NMT2: variants seen among roughly 807,000 people sequenced by gnomAD.
The protein encoded by NMT2 is N-myristoyltransferase 2.
In NMT2, 35 loss-of-function variants were observed where a neutral mutation model predicts 65.4. The observed-to-expected ratio is 0.54, with a 90% confidence interval of 0.41 to 0.71. NMT2 has a LOEUF of 0.71. Ranked by LOEUF, NMT2 falls within the 30% of genes least tolerant of loss-of-function variation. The probability of loss-of-function intolerance (pLI) is 0.00; values close to 1 mark genes in which losing one functional copy is unlikely to be tolerated. For missense variants in NMT2, 489 were observed against 611.3 expected (o/e 0.80, Z 2.11); for synonymous variants, 226 against 231.8 (o/e 0.98, Z 0.23).
chr10:15,127,562 A>ATAAAT (rs1564568353), intron 8 of NMT2, among the ~76,000 whole-genome samples: 1 of 90,220 alleles, frequency 1.1e-5, no homozygotes, highest in African/African-American at 1.2e-4. Flanking sequence ...AAAAAAAAAA[A>ATAAAT]AAAAAAAATA....
At chr10:15,155,083 C>T (rs1326964469) in intron 1 of NMT2, 1 of 1,388,462 alleles carries the variant, frequency 7.2e-7, no homozygotes, top group East Asian at 2.3e-5. Context: ...TCAAATTTCT[C>T]CCTGTAGACA....
Position 15,125,245 on chromosome 10 carries a change from G to A in NMT2, c.999+3105C>T, listed in dbSNP as rs1263971341. 2.0e-5 allele frequency among the ~76,000 whole-genome samples: 3 copies of A among 152,192 alleles called. No individual in the cohort carries two copies. The South Asian group carries it at 6.2e-4, about 32-fold the overall frequency. On this transcript the variant is annotated intron_variant, in intron 8 of 11. Coordinates refer to ENST00000378165, the MANE Select transcript of NMT2 (RefSeq NM_004808.3). ...ACTTCATAACCTTCAATTTATGGGT[G>A]GGGGAAAGGCAGTCACTATCACAGC...
At chr10:15,144,648 G>A (rs1334123496) in intron 1 of NMT2, among the ~76,000 whole-genome samples, 3 of 152,060 alleles carry the variant, frequency 2.0e-5, no homozygotes, top group Non-Finnish European at 4.4e-5. Context: ...GGAGAATGGC[G>A]TGAACCCGGG....
rs74417835 is a variant in NMT2 at position 15,119,697 on chromosome 10, T to G, written c.1000-184A>C. Among the ~76,000 whole-genome samples the G allele has an allele frequency of 7.5e-3, 1,148 of 152,312 alleles. 15 individuals carry two copies. The highest frequency in any genetic ancestry group is 0.026 in the African/African-American group (1,060 of 41,562). ...GAATCTGCAACTCAACAAGATTTCC[T>G]TGGGTTTGTACATACATTAAGGTTT... On this transcript the variant is annotated intron_variant, in intron 8 of 11. Coordinates refer to ENST00000378165, the MANE Select transcript of NMT2 (RefSeq NM_004808.3).
rs1263704805 is a variant in NMT2, at chr10:15,107,479, G to C, written c.*1716C>G. The C allele has an allele frequency of 2.0e-6, 2 of 979,490 alleles. No homozygotes were observed. Among genetic ancestry groups the C allele is most frequent in the African/African-American group, 3.5e-5 (2 of 57,142 alleles). The allele number at this position is 979,490 out of a possible 1,614,324, so 60.7% of individuals were successfully genotyped here. A position where few individuals can be genotyped will look rare whatever the true frequency, so the allele number is the denominator to read the frequency against. ...ATCTACTTTTGTTTTTTGAGACGGA[G>C]TCTTGCACTGTCACCCAGGCTGGAG... On this transcript the variant is annotated 3_prime_UTR_variant, in exon 12 of 12. Transcript: ENST00000378165.
intron 6 of NMT2, among the ~76,000 whole-genome samples, chr10:15,130,892 C>T (rs189914035): frequency 9.3e-4 from 137 of 147,018 alleles, no homozygotes; most frequent in Admixed American, 2.1e-3. Flanking sequence ...TGGGTTCAAA[C>T]GATTCTCCTG....
intron 8 of NMT2, 142 bp downstream of exon 8, chr10:15,128,208 C>T (rs940220474): frequency 3.1e-6 from 2 of 636,392 alleles, no homozygotes; most frequent in East Asian, 2.9e-5. Context: ...CCCTAGCTCC[C>T]GAGTTCCATG....
intron 1 of NMT2, among the ~76,000 whole-genome samples, chr10:15,145,372 T>A (rs1846926490): frequency 6.6e-6 from 1 of 151,966 alleles, no homozygotes; most frequent in Non-Finnish European, 1.5e-5. Context: ...ATGGTATACT[T>A]TATTTATTTT....
chr10:15,159,004 C>A (rs954668483), intron 1 of NMT2, among the ~76,000 whole-genome samples: 1 of 152,172 alleles, frequency 6.6e-6, no homozygotes, highest in African/African-American at 2.4e-5. Context: ...ACAATTCAGT[C>A]CCAGCAAGGT....
At chr10:15,152,003 G>A (rs1350866261) in intron 1 of NMT2, among the ~76,000 whole-genome samples, 1 of 152,236 alleles carries the variant, frequency 6.6e-6, no homozygotes, top group Non-Finnish European at 1.5e-5. Flanking sequence ...TCCAGCCTGG[G>A]TGACAGAGTA....
intron 1 of NMT2, 86 bp downstream of exon 1, chr10:15,168,417 G>C: frequency 1.0e-6 from 1 of 1,003,180 alleles, no homozygotes; most frequent in Non-Finnish European, 1.5e-6. Flanking sequence ...AGAACCCCCA[G>C]TCCTGGGAGC....
intron 2 of NMT2, chr10:15,141,119 A>G (rs1281627906): frequency 1.6e-6 from 2 of 1,218,774 alleles, no homozygotes; most frequent in Non-Finnish European, 2.4e-6. Context: ...TGTAATTTCA[A>G]AAAAACCTAA....
rs772913673 is a variant in NMT2, at chr10:15,157,418, G to A, written c.110+11085C>T. Among the ~76,000 whole-genome samples the A allele has an allele frequency of 3.3e-5, 5 of 152,258 alleles. No homozygotes were observed. The South Asian group carries it at 6.2e-4, about 19-fold the overall frequency. On this transcript the variant is annotated intron_variant, in intron 1 of 11. Transcript: ENST00000378165. Reference sequence around the variant, plus strand: ...AAGAGGGCTGAAGTGGGTACCTCCCGGCAGCGCTTTCACCCAGGAGATGAA... The same window carrying A: ...AAGAGGGCTGAAGTGGGTACCTCCCAGCAGCGCTTTCACCCAGGAGATGAA...
rs578026478 is a variant in NMT2, at chr10:15,151,128, G to A, written c.111-9571C>T. 2.9e-3 allele frequency among the ~76,000 whole-genome samples: 430 copies of A among 149,532 alleles called. 3 individuals carry two copies. Among genetic ancestry groups the A allele is most frequent in the African/African-American group, 9.8e-3 (394 of 40,202 alleles). On this transcript the variant is annotated intron_variant, in intron 1 of 11. Transcript: ENST00000378165. Reference sequence around the variant, plus strand: ...GGCTGGAGTGCAATGGTGCAATCTCGGATCACTGCAATCTCCGCCTCCTGG... The same window carrying A: ...GGCTGGAGTGCAATGGTGCAATCTCAGATCACTGCAATCTCCGCCTCCTGG...
At chr10:15,109,270 A>C in intron 11 of NMT2, 55 bp from the exon 12 acceptor site, 1 of 1,584,960 alleles carries the variant, frequency 6.3e-7, no homozygotes, top group South Asian at 1.2e-5. Flanking sequence ...AATGTAGTAC[A>C]ATAGATCTGT....
chr10:15,162,460 T>A (rs1833232026), intron 1 of NMT2, among the ~76,000 whole-genome samples: 1 of 152,080 alleles, frequency 6.6e-6, no homozygotes, highest in Admixed American at 6.5e-5. Context: ...TTTAAATTAA[T>A]TCAAATAAAA....
At chr10:15,162,956 G>A (rs1833251000) in intron 1 of NMT2, among the ~76,000 whole-genome samples, 1 of 151,062 alleles carries the variant, frequency 6.6e-6, no homozygotes, top group African/African-American at 2.4e-5. Context: ...TTTTTAGACA[G>A]AGTCTCATTC....
chr10:15,108,293 T>C lies in NMT2; in HGVS notation c.*902A>G. ...ACCTCACCTCTCAGGTTCAAGCGAT[T>C]CTCCTGCCTCAGCCTCCCAAGCAGC... On this transcript the variant is annotated 3_prime_UTR_variant, in exon 12 of 12. Transcript: ENST00000378165. 3.0e-6 allele frequency: 2 copies of C among 673,626 alleles called. No homozygotes were observed. Among genetic ancestry groups the C allele is most frequent in the Non-Finnish European group, 3.7e-6 (2 of 545,430 alleles). The allele number at this position is 673,626 out of a possible 1,614,324, so 41.7% of individuals were successfully genotyped here.
rs745687243 is a variant in NMT2, at chr10:15,132,948, G to T, written c.603-15C>A. Reference sequence around the variant, plus strand: ...GACGCAGAGCCCTGAGGTCACGGTAGACAAGAAAACAGGCACCAGTTATTG... The same window carrying T: ...GACGCAGAGCCCTGAGGTCACGGTATACAAGAAAACAGGCACCAGTTATTG... On this transcript the variant is annotated splice_polypyrimidine_tract_variant and intron_variant, in intron 5 of 11. Coordinates refer to ENST00000378165, the MANE Select transcript of NMT2 (RefSeq NM_004808.3). 6 of 1,607,316 alleles carry T rather than the reference G, an allele frequency of 3.7e-6. No homozygotes were observed. The highest frequency in any genetic ancestry group is 5.1e-6 in the Non-Finnish European group (6 of 1,175,148).
Sources: allele counts gnomAD v4.1 joint callset (sites outside exome capture counted in the v4.1 genomes callset), GRCh38; gene constraint gnomAD v4.1.1; transcripts MANE v1.5; gene names NCBI Gene and HGNC (gene_info 2026-07-23, HGNC 2026-07-21).